KIF26B: variants seen among roughly 807,000 people sequenced by gnomAD.
KIF26B encodes kinesin family member 26B, also known as kinesin-like protein KIF26B.
Under a neutral mutation model 151.2 loss-of-function variants are expected in KIF26B, and 63 were observed. The ratio of observed to expected loss-of-function variants is 0.42; its 90% confidence interval spans 0.34 to 0.51. The LOEUF (loss-of-function observed/expected upper bound fraction) is 0.51, where lower values mean the gene tolerates loss of function less well. Among genes scored for constraint, KIF26B ranks in the 20% least tolerant of loss-of-function variants. The pLI, the probability that KIF26B is intolerant of heterozygous loss-of-function variation, is 0.07. For synonymous variants in KIF26B, 1,357 were observed against 1,262.1 expected, an observed-to-expected ratio of 1.08 and a Z score of -1.59; for missense variants, 2,813 against 2,913.6, an observed-to-expected ratio of 0.97 and a Z score of 0.79.
chr1:245,635,302 C>G (rs2043822984), intron 9 of KIF26B, among the ~76,000 whole-genome samples: 1 of 151,910 alleles, frequency 6.6e-6, no homozygotes, highest in Non-Finnish European at 1.5e-5. Flanking sequence ...ACTACAGATT[C>G]TATTTCTTTA....
At chr1:245,309,718 T>C (rs1174484814) in intron 2 of KIF26B, among the ~76,000 whole-genome samples, 1 of 147,866 alleles carries the variant, frequency 6.8e-6, no homozygotes, top group Non-Finnish European at 1.5e-5. Context: ...ATTAGGTATA[T>C]TTTATATATA....
chr1:245,208,831 T>A (rs1264522803), intron 2 of KIF26B, among the ~76,000 whole-genome samples: 2 of 152,166 alleles, frequency 1.3e-5, no homozygotes, highest in African/African-American at 4.8e-5. Flanking sequence ...TAGGTCCCAG[T>A]GAGCTCAGCT....
intron 5 of KIF26B, among the ~76,000 whole-genome samples, chr1:245,582,096 C>A (rs2043180682): frequency 6.6e-6 from 1 of 152,168 alleles, no homozygotes; most frequent in Non-Finnish European, 1.5e-5. Context: ...GAGCAAGGAC[C>A]TTTACAGCCT....
chr1:245,497,024 A>T (rs1254608776), intron 4 of KIF26B, among the ~76,000 whole-genome samples: 3 of 151,974 alleles, frequency 2.0e-5, no homozygotes, highest in African/African-American at 7.3e-5. Flanking sequence ...GTGGTGGCGC[A>T]TGTCTGTAAT....
At chr1:245,304,457 A>G (rs1360555824) in intron 2 of KIF26B, among the ~76,000 whole-genome samples, 2 of 152,220 alleles carry the variant, frequency 1.3e-5, no homozygotes, top group Non-Finnish European at 2.9e-5. Context: ...AGTTGGTATC[A>G]TTTTAGATTT....
chr1:245,249,899 C>T (rs908350360), intron 2 of KIF26B, among the ~76,000 whole-genome samples: 3 of 152,104 alleles, frequency 2.0e-5, no homozygotes, highest in African/African-American at 7.2e-5. Context: ...GCAACCTTAC[C>T]TAGATTATCT....
At chr1:245,380,613 G>T (rs1051164650) in intron 3 of KIF26B, among the ~76,000 whole-genome samples, 1 of 152,196 alleles carries the variant, frequency 6.6e-6, no homozygotes, top group Admixed American at 6.5e-5. Context: ...CAGGCGACCT[G>T]TGCCAGGTCA....
At chr1:245,165,278 C>T (rs1316031992) in intron 2 of KIF26B, among the ~76,000 whole-genome samples, 4 of 152,106 alleles carry the variant, frequency 2.6e-5, no homozygotes, top group Non-Finnish European at 5.9e-5. Flanking sequence ...TGCTGAGATA[C>T]GGGGCCAGAG....
intron 2 of KIF26B, among the ~76,000 whole-genome samples, chr1:245,176,109 CCTG>C (rs1668804710): frequency 6.6e-6 from 1 of 152,042 alleles, no homozygotes; most frequent in Non-Finnish European, 1.5e-5. Flanking sequence ...AAGCGATTCT[CCTG>C]CCTCAGCCTC....
Position 245,611,831 on chromosome 1 carries a change from G to T in KIF26B, c.1953G>T (p.Glu651Asp), listed in dbSNP as rs569319543. 5.9e-5 allele frequency: 96 copies of T among 1,613,880 alleles called. 1 individual carries two copies. In the South Asian group the frequency reaches 1.0e-3, roughly 17 times the overall value. The change falls in exon 9 of 15, where the codon GAG becomes GAT. Residue 651 changes from glutamate (E) to aspartate (D), a missense_variant. Physicochemically the swap from Glu to Asp is conservative, Grantham distance 45. Transcript: ENST00000407071. The stretch of plus-strand genomic sequence containing the variant: ...GCGAGCTGCGGGCCCCCACCGCAGA[G>T]AAGGCTGCCTTTTTCCTGGATGCCG... ...NQSELRAPTAEKAAFFLDAAI... is the reference protein window; with the variant it reads ...NQSELRAPTADKAAFFLDAAI...
In KIF26B at chr1:245,239,792, T is replaced by C. The variant is rs1340385685; in HGVS notation, c.465+83109T>C. On this transcript the variant is annotated intron_variant, in intron 2 of 14. Coordinates refer to ENST00000407071, the MANE Select transcript of KIF26B (RefSeq NM_018012.4). This position sits in a 1 kb window ranked among gnomAD's most constrained non-coding sequence, Gnocchi z 4.3. ...ATTACAGGCATGAGCCATTGTGTCC[T>C]GACCAGTAAAATGATTTTCTGAATG... is the stretch of plus-strand genomic sequence containing the variant. Among the ~76,000 whole-genome samples the C allele has an allele frequency of 3.9e-5, 6 of 152,018 alleles. No individual in the cohort carries two copies. The highest frequency in any genetic ancestry group is 3.9e-4 in the Admixed American group (6 of 15,258).
intron 4 of KIF26B, among the ~76,000 whole-genome samples, chr1:245,436,352 A>G (rs1018973804): frequency 3.9e-5 from 6 of 152,084 alleles, no homozygotes; most frequent in African/African-American, 1.2e-4. Flanking sequence ...CCAGGTACCT[A>G]CACAACACCC....
At chr1:245,178,197 A>T (rs1668842958) in intron 2 of KIF26B, among the ~76,000 whole-genome samples, 1 of 152,216 alleles carries the variant, frequency 6.6e-6, no homozygotes, top group South Asian at 2.1e-4. Flanking sequence ...GATGCTAGTC[A>T]CGTTCAGAAA....
rs1198016953 is a variant in KIF26B at position 245,241,592 on chromosome 1, C to T, written c.465+84909C>T. On this transcript the variant is annotated intron_variant, in intron 2 of 14. Transcript: ENST00000407071. The surrounding 1 kb of genome is among the most constrained non-coding windows in gnomAD (Gnocchi z 5.0). The stretch of plus-strand genomic sequence containing the variant: ...CTGGCCCAAACCTGCCCTTTCCTTG[C>T]AGCCCAATGGCCTCAGGAGACAGTG... Among the ~76,000 whole-genome samples the T allele has an allele frequency of 2.0e-5, 3 of 152,230 alleles. No homozygotes were observed. Among genetic ancestry groups the T allele is most frequent in the Non-Finnish European group, 4.4e-5 (3 of 68,042 alleles).
chr1:245,199,788 T>C (rs532849735), intron 2 of KIF26B, among the ~76,000 whole-genome samples: 6 of 151,324 alleles, frequency 4.0e-5, no homozygotes, highest in Non-Finnish European at 7.4e-5. Context: ...CTGGCCCATG[T>C]ATCCACATAT....
intron 3 of KIF26B, among the ~76,000 whole-genome samples, chr1:245,391,434 T>C (rs1166210797): frequency 6.6e-6 from 1 of 152,160 alleles, no homozygotes; most frequent in Non-Finnish European, 1.5e-5. Context: ...TCTTTAGATA[T>C]CTCAACGGAA....
At chr1:245,423,664 T>C (rs1334283553) in intron 4 of KIF26B, among the ~76,000 whole-genome samples, 1 of 152,114 alleles carries the variant, frequency 6.6e-6, no homozygotes, top group Non-Finnish European at 1.5e-5. Flanking sequence ...TTGTTGCTCT[T>C]GAGGATTCCT....
chr1:245,401,144 T>A (rs1673991532), intron 3 of KIF26B, among the ~76,000 whole-genome samples: 1 of 152,240 alleles, frequency 6.6e-6, no homozygotes, highest in Non-Finnish European at 1.5e-5. Context: ...GACTTGTTTT[T>A]TGAAATCTTT....
intron 3 of KIF26B, among the ~76,000 whole-genome samples, chr1:245,390,376 C>T (rs1244571525): frequency 6.6e-6 from 1 of 152,024 alleles, no homozygotes; most frequent in African/African-American, 2.4e-5. Context: ...CGCCACCATG[C>T]CTGGCTAATT....
Sources: gnomAD v4.1 joint callset for allele counts (sites outside exome capture counted in the v4.1 genomes callset) on GRCh38, gnomAD v4.1.1 for gene constraint, Gnocchi (gnomAD v3.1) non-coding constraint, MANE v1.5 for transcripts, NCBI Gene and HGNC (gene_info 2026-07-23, HGNC 2026-07-21) for gene names.